The following CDH12 variants were observed in gnomAD, a reference collection of about 807,000 sequenced individuals.
CDH12 encodes the protein cadherin-12.
A neutral mutation model predicts 74.1 loss-of-function variants in CDH12; 41 were observed. The ratio of observed to expected loss-of-function variants is 0.55; its 90% CI spans 0.43 to 0.72. CDH12 has a LOEUF of 0.72. Ranked by LOEUF, CDH12 falls within the 30% of genes least tolerant of loss-of-function variation. The pLI is 0.00. For synonymous variants in CDH12, 399 were observed against 355.0 expected (o/e 1.12, Z -1.39); for missense variants, 945 against 977.2 (o/e 0.97, Z 0.44).
intron 5 of CDH12, among the ~76,000 whole-genome samples, chr5:22,074,394 T>G (rs1156689269): frequency 1.3e-5 from 2 of 152,160 alleles, no homozygotes; most frequent in East Asian, 3.9e-4. Flanking sequence ...ATTCAGGACA[T>G]AGGCATGGGC....
intron 1 of CDH12, among the ~76,000 whole-genome samples, chr5:22,514,753 A>G: frequency 6.6e-6 from 1 of 152,182 alleles, no homozygotes; most frequent in East Asian, 1.9e-4. Context: ...CCCCTTAGAA[A>G]ATAACTCACA....
rs779545047 is a variant in CDH12 at position 21,752,154 on chromosome 5, G to A, written c.1968C>T (p.Asn656=). Residue 656 remains asparagine (N), a synonymous_variant, in exon 15 of 15, where the codon AAC becomes AAT. Coordinates refer to ENST00000382254, the MANE Select transcript of CDH12 (RefSeq NM_004061.5). The part of the protein sequence containing the change: ...LMTSKEDIRD[N]VIHYDDEGGG... ...CTCCTTCATCATCGTAATGGATGACGTTGTCTCTGATGTCTTCTTTAGAGG... is the reference window on the plus strand; with the variant it reads ...CTCCTTCATCATCGTAATGGATGACATTGTCTCTGATGTCTTCTTTAGAGG... 8 of 1,613,836 alleles carry A rather than the reference G, an allele frequency of 5.0e-6. No homozygotes were observed. The highest frequency in any genetic ancestry group is 2.2e-5 in the East Asian group (1 of 44,878).
Position 22,713,286 on chromosome 5 carries a change from A to T in CDH12, c.-523+139772T>A, listed in dbSNP as rs528223538. Among the ~76,000 whole-genome samples the T allele has an allele frequency of 5.3e-5, 8 of 151,662 alleles. No homozygotes were observed. The East Asian group carries it at 1.4e-3, about 26-fold the overall frequency. Reference sequence around the variant, plus strand: ...CTCCCAAGTAGCTGGGACTACAGGCACAAACCACCATGCCCCACTGATTTT... The same window carrying T: ...CTCCCAAGTAGCTGGGACTACAGGCTCAAACCACCATGCCCCACTGATTTT... On this transcript the variant is annotated intron_variant, in intron 1 of 14. Coordinates refer to ENST00000382254, the MANE Select transcript of CDH12 (RefSeq NM_004061.5).
rs10473581 is a variant in CDH12 at position 22,204,018 on chromosome 5, C to T, written c.-187+8480G>A. Among the ~76,000 whole-genome samples, 524 of 152,214 alleles carry T rather than the reference C, an allele frequency of 3.4e-3. 2 individuals are homozygous for T. Among genetic ancestry groups the T allele is most frequent in the African/African-American group, 0.012 (494 of 41,550 alleles). ...TCATAGCAAAGGAAACAATCCACAG[C>T]GCAAAGAGACAACTTACAGAATGGG... On this transcript the variant is annotated intron_variant, in intron 4 of 14. Transcript: ENST00000382254.
At chr5:22,120,676 C>T (rs961825772) in intron 4 of CDH12, among the ~76,000 whole-genome samples, 10 of 152,096 alleles carry the variant, frequency 6.6e-5, no homozygotes, top group African/African-American at 1.9e-4. Context: ...TTTATAAAAA[C>T]TCATTTGGCA....
At chr5:22,624,737 T>A (rs1024127210) in intron 1 of CDH12, among the ~76,000 whole-genome samples, 1 of 152,240 alleles carries the variant, frequency 6.6e-6, no homozygotes, top group African/African-American at 2.4e-5. Context: ...TCAACTATTG[T>A]GGAAGACAGT....
intron 5 of CDH12, among the ~76,000 whole-genome samples, chr5:22,037,983 C>T (rs1052400804): frequency 6.6e-6 from 1 of 152,132 alleles, no homozygotes; most frequent in African/African-American, 2.4e-5. Flanking sequence ...ACACCTTGGA[C>T]ACGTACAGTA....
chr5:21,816,168 G>T (rs1748029209), intron 9 of CDH12, among the ~76,000 whole-genome samples: 1 of 152,076 alleles, frequency 6.6e-6, no homozygotes, highest in African/African-American at 2.4e-5. Context: ...AGCAATACCA[G>T]CCCCTCCTCT....
At chr5:22,463,149 T>C (rs1486076590) in intron 2 of CDH12, among the ~76,000 whole-genome samples, 1 of 152,210 alleles carries the variant, frequency 6.6e-6, no homozygotes, top group Non-Finnish European at 1.5e-5. Flanking sequence ...TAATTCTTTT[T>C]ACACAAATCT....
chr5:22,011,798 T>G (rs1737311449), intron 5 of CDH12, among the ~76,000 whole-genome samples: 1 of 152,202 alleles, frequency 6.6e-6, no homozygotes, highest in Non-Finnish European at 1.5e-5. Flanking sequence ...TAATATTCTA[T>G]GAATAGTTCA....
At position 22,314,941 on chromosome 5, in the gene CDH12, C is replaced by CTTTTTTTTTTTT. The variant is rs759734847; in HGVS notation, c.-333+90304_-333+90315dup. 3.4e-4 allele frequency among the ~76,000 whole-genome samples: 23 copies of CTTTTTTTTTTTT among 67,762 alleles called. 5 individuals are homozygous for CTTTTTTTTTTTT. Among genetic ancestry groups the CTTTTTTTTTTTT allele is most frequent in the East Asian group, 9.0e-4 (2 of 2,226 alleles). 44.5% of individuals were successfully genotyped at this position (67,762 alleles called of 152,430 possible). A position where few individuals can be genotyped will look rare whatever the true frequency, so the allele number is the denominator to read the frequency against. On this transcript the variant is annotated intron_variant, in intron 3 of 14. Coordinates refer to ENST00000382254, the MANE Select transcript of CDH12 (RefSeq NM_004061.5). Reference sequence around the variant, plus strand: ...GAAAAGCAGAGGTCCCTGGGTTGGTCTTTTTTTTTTTTTTTTTTTTTTTTT... The same window carrying CTTTTTTTTTTTT: ...GAAAAGCAGAGGTCCCTGGGTTGGTCTTTTTTTTTTTTTTTTTTTTTTTTTTTTTTTTTTTTT...
At chr5:21,770,792 A>C (rs1163927447) in intron 11 of CDH12, among the ~76,000 whole-genome samples, 2 of 152,142 alleles carry the variant, frequency 1.3e-5, no homozygotes, top group East Asian at 3.9e-4. Context: ...TCACAATAGC[A>C]AAGACACAGA....
At chr5:22,388,095 A>G (rs1405777144) in intron 3 of CDH12, among the ~76,000 whole-genome samples, 3 of 152,176 alleles carry the variant, frequency 2.0e-5, no homozygotes, top group Non-Finnish European at 4.4e-5. Flanking sequence ...ATTACATTAA[A>G]TATTTCTAAG....
intron 10 of CDH12, among the ~76,000 whole-genome samples, chr5:21,794,691 G>A (rs192134415): frequency 6.6e-6 from 1 of 151,542 alleles, no homozygotes; most frequent in Non-Finnish European, 1.5e-5. Context: ...AATGATCTAA[G>A]AATTTATAAT....
intron 2 of CDH12, among the ~76,000 whole-genome samples, chr5:22,498,604 A>G (rs1386885650): frequency 2.6e-5 from 4 of 151,962 alleles, no homozygotes; most frequent in Non-Finnish European, 5.9e-5. Flanking sequence ...GTTTACAAAC[A>G]TATTTGAAAT....
At chr5:22,771,426 C>T (rs1746799316) in intron 1 of CDH12, among the ~76,000 whole-genome samples, 1 of 152,012 alleles carries the variant, frequency 6.6e-6, no homozygotes. Flanking sequence ...CCCATTGTAT[C>T]AGATCTTAAA....
intron 8 of CDH12, among the ~76,000 whole-genome samples, chr5:21,817,527 T>TGATA (rs554551126): frequency 0.013 from 1,943 of 148,978 alleles, 42 homozygotes; most frequent in African/African-American, 0.048. Context: ...CATAGATAGA[T>TGATA]GATAGATAGA....
At chr5:22,064,423 A>G (rs1486992414) in intron 5 of CDH12, among the ~76,000 whole-genome samples, 1 of 152,202 alleles carries the variant, frequency 6.6e-6, no homozygotes, top group Admixed American at 6.5e-5. Context: ...CTAGAGGAAC[A>G]GAATCTTAAG....
intron 2 of CDH12, among the ~76,000 whole-genome samples, chr5:22,456,375 C>T (rs1745276260): frequency 6.6e-6 from 1 of 151,888 alleles, no homozygotes; most frequent in Non-Finnish European, 1.5e-5. Flanking sequence ...CTCCTGTACA[C>T]TATTGCTAAC....
Sources: gnomAD v4.1 joint callset for allele counts (sites outside exome capture counted in the v4.1 genomes callset) on GRCh38, gnomAD v4.1.1 for gene constraint, MANE v1.5 for transcripts, NCBI Gene and HGNC (gene_info 2026-07-23, HGNC 2026-07-21) for gene names.